The following IL19 variants were observed in gnomAD, a reference collection of about 807,000 sequenced individuals.
IL19 encodes interleukin-19.
A neutral mutation model predicts 19.5 loss-of-function variants in IL19; 15 were observed. The ratio of observed to expected loss-of-function variants is 0.77; its 90% CI spans 0.52 to 1.19. The LOEUF (loss-of-function observed/expected upper bound fraction) is 1.19, where lower values mean the gene tolerates loss of function less well. Among genes scored for constraint, IL19 ranks in the 50% most tolerant of loss-of-function variants. The pLI is 0.00. For missense variants in IL19, 199 were observed against 213.1 expected, an observed-to-expected ratio of 0.93 and a Z score of 0.41; for synonymous variants, 78 against 78.3, an observed-to-expected ratio of 1.00 and a Z score of 0.02.
At chr1:206,800,372 G>A (rs568385499) in intron 2 of IL19, among the ~76,000 whole-genome samples, 5 of 152,202 alleles carry the variant, frequency 3.3e-5, no homozygotes, top group African/African-American at 1.2e-4. Context: ...GGTGGGGTAG[G>A]GGGGAAGGTC....
intron 1 of IL19, among the ~76,000 whole-genome samples, chr1:206,788,432 G>C (rs968308420): frequency 6.6e-6 from 1 of 152,108 alleles, no homozygotes; most frequent in Non-Finnish European, 1.5e-5. Context: ...CTATTTTATA[G>C]TAGCGCAAAA....
intron 2 of IL19, among the ~76,000 whole-genome samples, chr1:206,832,334 G>T (rs370462965): frequency 3.3e-5 from 5 of 152,296 alleles, no homozygotes; most frequent in African/African-American, 1.2e-4. Flanking sequence ...ATTTTATGGA[G>T]CTTCAGAAAG....
chr1:206,832,511 G>C (rs1039744623), intron 2 of IL19, among the ~76,000 whole-genome samples: 1 of 152,038 alleles, frequency 6.6e-6, no homozygotes, highest in Non-Finnish European at 1.5e-5. Context: ...CCATACCCTC[G>C]TCTTATTTCC....
intron 1 of IL19, among the ~76,000 whole-genome samples, chr1:206,774,094 T>C (rs1014823747): frequency 2.0e-5 from 3 of 152,180 alleles, no homozygotes; most frequent in African/African-American, 7.2e-5. Context: ...AGAAGGTCAC[T>C]CACTGCAAGG....
At chr1:206,824,429 GAA>G (rs1676377611) in intron 2 of IL19, among the ~76,000 whole-genome samples, 2 of 152,290 alleles carry the variant, frequency 1.3e-5, no homozygotes, top group South Asian at 4.1e-4. Context: ...AGTATTGGTG[GAA>G]TAGAGGAAAA....
chr1:206,778,694 T>C (rs953908091), intron 1 of IL19, among the ~76,000 whole-genome samples: 3 of 152,254 alleles, frequency 2.0e-5, no homozygotes, highest in Non-Finnish European at 4.4e-5. Context: ...TGCCAATTTA[T>C]GTAGTTGATT....
At chr1:206,781,043 T>G (rs983478165) in intron 1 of IL19, among the ~76,000 whole-genome samples, 3 of 152,134 alleles carry the variant, frequency 2.0e-5, no homozygotes, top group Admixed American at 2.0e-4. Flanking sequence ...GAATGGTGTT[T>G]CTATTTTGTC....
intron 1 of IL19, among the ~76,000 whole-genome samples, chr1:206,785,944 A>C (rs1053363320): frequency 2.0e-5 from 3 of 152,128 alleles, no homozygotes; most frequent in Non-Finnish European, 4.4e-5. Flanking sequence ...CGAAGTGTAT[A>C]AACATATATC....
chr1:206,810,858 CT>C (rs761565052), intron 2 of IL19, among the ~76,000 whole-genome samples: 5 of 152,280 alleles, frequency 3.3e-5, no homozygotes, highest in Non-Finnish European at 7.4e-5. Context: ...CGAGTGAGTT[CT>C]CACTCTATTT....
At chr1:206,826,120 A>G (rs1676428312) in intron 2 of IL19, among the ~76,000 whole-genome samples, 1 of 152,230 alleles carries the variant, frequency 6.6e-6, no homozygotes, top group South Asian at 2.1e-4. Context: ...AGAGTTCAAA[A>G]TAAGTCCTCA....
chr1:206,817,877 C>T (rs1237079757), intron 2 of IL19, among the ~76,000 whole-genome samples: 2 of 151,988 alleles, frequency 1.3e-5, no homozygotes, highest in Non-Finnish European at 2.9e-5. Flanking sequence ...GATTCTCCTG[C>T]CTCAGCCTCC....
At chr1:206,793,251 T>C (rs1457546302) in intron 1 of IL19, among the ~76,000 whole-genome samples, 1 of 152,228 alleles carries the variant, frequency 6.6e-6, no homozygotes, top group Non-Finnish European at 1.5e-5. Context: ...CTCAGGGAGC[T>C]GGTTCTCTGA....
At chr1:206,784,028 T>A (rs909451406) in intron 1 of IL19, among the ~76,000 whole-genome samples, 2 of 152,320 alleles carry the variant, frequency 1.3e-5, no homozygotes, top group East Asian at 3.9e-4. Flanking sequence ...TCTTCGTGGA[T>A]CTGAAGACTT....
chr1:206,806,719 G>T (rs1675855696), intron 2 of IL19, among the ~76,000 whole-genome samples: 1 of 152,078 alleles, frequency 6.6e-6, no homozygotes, highest in Non-Finnish European at 1.5e-5. Flanking sequence ...TTACGATTTG[G>T]TCCCCTTTCC....
At position 206,837,431 on chromosome 1, in the gene IL19, A is replaced by G. The variant is rs572083712; in HGVS notation, c.210+408A>G. On this transcript the variant is annotated intron_variant, in intron 4 of 6. Transcript: ENST00000659997. ...TGGGTGTAAGATCAGTGAAGGTCGG[A>G]CATAGAGGTGACCAGGTTTGTGACC... is the stretch of plus-strand genomic sequence containing the variant. Among the ~76,000 whole-genome samples the G allele has an allele frequency of 1.5e-3, 221 of 152,274 alleles. 1 individual carries two copies. The highest frequency in any genetic ancestry group is 5.0e-3 in the African/African-American group (208 of 41,566).
At chr1:206,831,427 T>C (rs1251732718) in intron 2 of IL19, among the ~76,000 whole-genome samples, 1 of 152,218 alleles carries the variant, frequency 6.6e-6, no homozygotes, top group African/African-American at 2.4e-5. Flanking sequence ...GATTCATAAT[T>C]GAATTGCAAT....
intron 2 of IL19, among the ~76,000 whole-genome samples, chr1:206,818,666 G>A (rs1357824674): frequency 4.6e-5 from 7 of 152,244 alleles, no homozygotes; most frequent in South Asian, 2.1e-4. Context: ...ATATGCCAAA[G>A]CTTATCAAAT....
At chr1:206,810,054 T>A (rs995232564) in intron 2 of IL19, among the ~76,000 whole-genome samples, 2 of 152,166 alleles carry the variant, frequency 1.3e-5, no homozygotes, top group Non-Finnish European at 2.9e-5. Context: ...CACCCTTCTT[T>A]GGGGGTTGGA....
chr1:206,834,441 C>T (rs540115222), intron 2 of IL19: 12 of 985,580 alleles, frequency 1.2e-5, no homozygotes, highest in East Asian at 2.2e-4. Flanking sequence ...TCCTATGCAC[C>T]GCCATCCTAG....
Sources: allele counts gnomAD v4.1 joint callset (sites outside exome capture counted in the v4.1 genomes callset), GRCh38; gene constraint gnomAD v4.1.1; transcripts MANE v1.5; gene names NCBI Gene and HGNC (gene_info 2026-07-23, HGNC 2026-07-21).